STEAP1B: variants seen among roughly 807,000 people sequenced by gnomAD.
STEAP1B encodes STEAP family member 1B.
Under a neutral mutation model 27.9 loss-of-function variants are expected in STEAP1B, and 13 were observed. That is an observed-to-expected ratio of 0.47 (90% CI 0.30 to 0.74). STEAP1B has a LOEUF of 0.74. Ranked by LOEUF, STEAP1B falls within the 30% of genes least tolerant of loss-of-function variation. The pLI is 0.06. For missense variants in STEAP1B, 250 were observed against 298.7 expected (o/e 0.84, Z 1.20); for synonymous variants, 86 against 107.1 (o/e 0.80, Z 1.22).
chr7:22,421,652 C>T (rs1359646526), intron 4 of STEAP1B, among the ~76,000 whole-genome samples: 1 of 152,210 alleles, frequency 6.6e-6, no homozygotes, highest in Non-Finnish European at 1.5e-5. Flanking sequence ...CAATCCAACA[C>T]CCCTTTTGAA....
chr7:22,436,267 A>C (rs1785253124), intron 4 of STEAP1B, among the ~76,000 whole-genome samples: 1 of 152,240 alleles, frequency 6.6e-6, no homozygotes, highest in African/African-American at 2.4e-5. Context: ...TAATGTGTAC[A>C]ACTTGGTGAG....
intron 4 of STEAP1B, among the ~76,000 whole-genome samples, chr7:22,440,999 A>T (rs990497836): frequency 2.7e-5 from 4 of 150,454 alleles, no homozygotes; most frequent in Admixed American, 6.6e-5. Flanking sequence ...TAAATTGTAT[A>T]TTTTAATATT....
In STEAP1B at chr7:22,433,504, G is replaced by T. The variant is rs1004401913; in HGVS notation, c.763-13668C>A. ...CATAATGACTCATTGTAACCCCAGG[G>T]AGAGAGGATTTTCCTGCTCACAAAA... On this transcript the variant is annotated intron_variant, in intron 4 of 4. Transcript: ENST00000678116. Among the ~76,000 whole-genome samples the T allele has an allele frequency of 3.4e-5, 5 of 145,316 alleles. No individual in the cohort carries two copies. The East Asian group carries it at 1.0e-3, about 30-fold the overall frequency.
chr7:22,498,670 A>G (rs1410564506), intron 1 of STEAP1B, among the ~76,000 whole-genome samples: 1 of 152,242 alleles, frequency 6.6e-6, no homozygotes, highest in African/African-American at 2.4e-5. Context: ...TGGTAGAGCG[A>G]TGTATCCTAG....
intron 4 of STEAP1B, 140 bp downstream of exon 4, chr7:22,492,425 C>T (rs758421899): frequency 1.5e-5 from 18 of 1,229,386 alleles, no homozygotes; most frequent in Non-Finnish European, 1.9e-5. Context: ...AACAGGAGAG[C>T]ACATTATTAA....
At chr7:22,433,010 A>C (rs1227585203) in intron 4 of STEAP1B, among the ~76,000 whole-genome samples, 6 of 152,192 alleles carry the variant, frequency 3.9e-5, no homozygotes, top group Non-Finnish European at 7.4e-5. Flanking sequence ...CCTGCCAGCA[A>C]ATGCGGCCTG....
chr7:22,491,370 T>C (rs1786318461), intron 4 of STEAP1B, among the ~76,000 whole-genome samples: 1 of 152,258 alleles, frequency 6.6e-6, no homozygotes, highest in Non-Finnish European at 1.5e-5. Flanking sequence ...GCAGTATGGA[T>C]GGCTAGATAA....
chr7:22,427,409 T>A (rs2528837), intron 4 of STEAP1B, among the ~76,000 whole-genome samples: 1 of 151,950 alleles, frequency 6.6e-6, no homozygotes, highest in Non-Finnish European at 1.5e-5. Context: ...GAGAAGGAGA[T>A]GATCAAAGGT....
chr7:22,457,026 A>T, intron 4 of STEAP1B, among the ~76,000 whole-genome samples: 1 of 140,050 alleles, frequency 7.1e-6, no homozygotes, highest in African/African-American at 2.7e-5. Flanking sequence ...AAACATCAAG[A>T]ATGTCTGCTC....
chr7:22,485,541 T>C (rs970461161), intron 4 of STEAP1B, among the ~76,000 whole-genome samples: 1 of 152,206 alleles, frequency 6.6e-6, no homozygotes, highest in African/African-American at 2.4e-5. Context: ...AAGGCTAGAG[T>C]GCAGTGGCAT....
rs559283526 is a variant in STEAP1B, at chr7:22,486,136, A to G, written c.762+6429T>C. ...CAGAATCCCAGGGGCAAGGGCACAC[A>G]TCGTTGCTTTTTGAAGCTCCCCAGG... On this transcript the variant is annotated intron_variant, in intron 4 of 4. Transcript: ENST00000678116. 7.3e-5 allele frequency among the ~76,000 whole-genome samples: 11 copies of G among 151,530 alleles called. No individual in the cohort carries two copies. The South Asian group carries it at 8.4e-4, about 12-fold the overall frequency.
chr7:22,431,656 C>T (rs1462080040), intron 4 of STEAP1B, among the ~76,000 whole-genome samples: 2 of 152,218 alleles, frequency 1.3e-5, no homozygotes, highest in African/African-American at 2.4e-5. Flanking sequence ...TGCATCACTC[C>T]AGCTTTTTGA....
At chr7:22,443,051 T>A (rs1435890565) in intron 4 of STEAP1B, among the ~76,000 whole-genome samples, 1 of 152,196 alleles carries the variant, frequency 6.6e-6, no homozygotes, top group Non-Finnish European at 1.5e-5. Flanking sequence ...TCCCTCCCAC[T>A]CGCTCCTGCC....
At chr7:22,470,304 G>T (rs922234940) in intron 4 of STEAP1B, among the ~76,000 whole-genome samples, 1 of 152,198 alleles carries the variant, frequency 6.6e-6, no homozygotes, top group Admixed American at 6.5e-5. Context: ...AAAGGCCAAA[G>T]TTGACTTGAG....
At chr7:22,463,828 C>T (rs898486926) in intron 4 of STEAP1B, among the ~76,000 whole-genome samples, 1 of 151,198 alleles carries the variant, frequency 6.6e-6, no homozygotes, top group African/African-American at 2.4e-5. Context: ...AAGACTTAAA[C>T]GTTAGACCTA....
chr7:22,492,544 G>A, intron 4 of STEAP1B, 21 bp downstream of exon 4: 7 of 1,562,282 alleles, frequency 4.5e-6, no homozygotes, highest in Non-Finnish European at 6.0e-6. Flanking sequence ...ACCTCTTAGG[G>A]TTATTTTATA....
At position 22,448,152 on chromosome 7, in the gene STEAP1B, T is replaced by C. The variant is rs563836144; in HGVS notation, c.763-28316A>G. Among the ~76,000 whole-genome samples the C allele has an allele frequency of 5.3e-5, 8 of 152,314 alleles. No individual in the cohort carries two copies. The South Asian group carries it at 1.7e-3, about 32-fold the overall frequency. Reference sequence around the variant, plus strand: ...TAAAACAATTTTAGAAACCTACATATCCTCTTGAACCTTTTTCAGATGAGA... The same window carrying C: ...TAAAACAATTTTAGAAACCTACATACCCTCTTGAACCTTTTTCAGATGAGA... On this transcript the variant is annotated intron_variant, in intron 4 of 4. Transcript: ENST00000678116.
At position 22,493,788 on chromosome 7, in the gene STEAP1B, G is replaced by T. The variant is rs1282737392; in HGVS notation, c.133C>A (p.His45Asn). The change falls in exon 3 of 5, where the codon CAT (histidine) becomes AAT (asparagine). Residue 45 changes from histidine to asparagine, a missense_variant. Transcript: ENST00000678116. ...TSMLKRPVLL[H>N]LQQTAHADEF... is the part of the protein sequence containing the mutation. ...TCAGCATGGGCTGTTTGCTGCAAAT[G>T]CAAAAGCACAGGTCTTTTTAGCATG... is the stretch of plus-strand genomic sequence containing the variant. 4 of 1,613,406 alleles carry T rather than the reference G, an allele frequency of 2.5e-6. No individual in the cohort carries two copies. Among genetic ancestry groups the T allele is most frequent in the Non-Finnish European group, 3.4e-6 (4 of 1,179,710 alleles).
intron 4 of STEAP1B, among the ~76,000 whole-genome samples, chr7:22,421,354 G>A (rs1785040250): frequency 1.3e-5 from 2 of 152,218 alleles, no homozygotes; most frequent in African/African-American, 4.8e-5. Flanking sequence ...ACATTGTGCT[G>A]AGCAACATTG....
Sources: allele counts gnomAD v4.1 joint callset (sites outside exome capture counted in the v4.1 genomes callset), GRCh38; gene constraint gnomAD v4.1.1; transcripts MANE v1.5; gene names NCBI Gene and HGNC (gene_info 2026-07-23, HGNC 2026-07-21).